TXNL1: variants seen among roughly 807,000 people sequenced by gnomAD.
TXNL1 encodes the protein thioredoxin like 1, also known as thioredoxin-like protein 1.
A neutral mutation model predicts 35.5 loss-of-function variants in TXNL1; 14 were observed. That is an observed-to-expected ratio of 0.39 (90% CI 0.26 to 0.62). The LOEUF (loss-of-function observed/expected upper bound fraction) is 0.62. TXNL1 is among the 20% of genes least tolerant of loss of function. TXNL1 has a pLI of 0.47. For missense variants in TXNL1, 263 were observed against 349.7 expected, an observed-to-expected ratio of 0.75 and a Z score of 1.98; for synonymous variants, 110 against 115.5, an observed-to-expected ratio of 0.95 and a Z score of 0.31.
rs370605429 is a variant in TXNL1, at chr18:56,603,009, T to C, written c.*18A>G. 33 of 1,613,568 alleles carry C rather than the reference T, an allele frequency of 2.0e-5. No homozygotes were observed. The East Asian group carries it at 2.2e-4, about 11-fold the overall frequency. On this transcript the variant is annotated 3_prime_UTR_variant, in exon 8 of 8. Coordinates refer to ENST00000217515, the MANE Select transcript of TXNL1 (RefSeq NM_004786.3). ...TGTAGATCTGATTGCAATATGGTTGTCCAGTGTCTTTTGTACCTTAGTGGC... is the reference window on the plus strand; with the variant it reads ...TGTAGATCTGATTGCAATATGGTTGCCCAGTGTCTTTTGTACCTTAGTGGC...
chr18:56,609,509 C>T (rs1295701328), intron 7 of TXNL1: 1 of 151,468 alleles, frequency 6.6e-6, no homozygotes, highest in Non-Finnish European at 1.5e-5. Context: ...ATGGTGGTTA[C>T]AGAAAAAAAT....
chr18:56,604,152 G>A (rs2023852893), intron 7 of TXNL1, among the ~76,000 whole-genome samples: 1 of 152,066 alleles, frequency 6.6e-6, no homozygotes, highest in Non-Finnish European at 1.5e-5. Flanking sequence ...AAGACACCAT[G>A]TTAGAAAGCT....
rs1366370108 is a variant in TXNL1, at chr18:56,601,341, A to G, written c.*1686T>C. On this transcript the variant is annotated 3_prime_UTR_variant, in exon 8 of 8. Coordinates refer to ENST00000217515, the MANE Select transcript of TXNL1 (RefSeq NM_004786.3). ...ATAGACAATATAAATCTGATGTCCA[A>G]TCCTTTACAAATACGAAATTTGTTT... The G allele has an allele frequency of 6.6e-6, 1 of 152,228 alleles. No homozygotes were observed. The highest frequency in any genetic ancestry group is 1.5e-5 in the Non-Finnish European group (1 of 68,032). 9.4% of individuals were successfully genotyped at this position (152,228 alleles called of 1,614,324 possible).
chr18:56,606,856 G>C (rs1306140735), intron 7 of TXNL1, among the ~76,000 whole-genome samples: 1 of 152,162 alleles, frequency 6.6e-6, no homozygotes, highest in Admixed American at 6.5e-5. Context: ...AACTGCCTAT[G>C]GTGCAGTACA....
intron 7 of TXNL1, among the ~76,000 whole-genome samples, chr18:56,606,748 T>C (rs2023902153): frequency 6.6e-6 from 1 of 152,258 alleles, no homozygotes; most frequent in Non-Finnish European, 1.5e-5. Context: ...TCCCTATGTT[T>C]GTCCCTATGT....
chr18:56,616,062 G>C (rs935360136), intron 5 of TXNL1, among the ~76,000 whole-genome samples, 183 bp downstream of exon 5: 2 of 151,036 alleles, frequency 1.3e-5, no homozygotes, highest in African/African-American at 4.9e-5. Context: ...AACCCAGGAG[G>C]CAGAGATTAC....
chr18:56,614,716 A>G (rs1422433743), intron 5 of TXNL1, 120 bp from the exon 6 acceptor site: 3 of 779,340 alleles, frequency 3.8e-6, no homozygotes, highest in Non-Finnish European at 5.7e-6. Context: ...ACTTCAAATA[A>G]CTCCATTATT....
At chr18:56,613,765 C>T (rs771470257) in intron 6 of TXNL1, among the ~76,000 whole-genome samples, 48 of 152,136 alleles carry the variant, frequency 3.2e-4, no homozygotes, top group Non-Finnish European at 6.5e-4. Flanking sequence ...GAACCAAGGT[C>T]GTGCCACTGT....
At position 56,616,235 on chromosome 18, in the gene TXNL1, C is replaced by G. The variant is rs1351337289; in HGVS notation, c.562+10G>C. Reference sequence around the variant, plus strand: ...GAAGTTAGTTTAAAGAAAAGCTATCCTTTACTCACCATTATCTGGCCCTTG... The same window carrying G: ...GAAGTTAGTTTAAAGAAAAGCTATCGTTTACTCACCATTATCTGGCCCTTG... On this transcript the variant is annotated intron_variant, in intron 5 of 7. Transcript: ENST00000217515. The G allele has an allele frequency of 5.0e-6, 8 of 1,611,748 alleles. No individual in the cohort carries two copies. Among genetic ancestry groups the G allele is most frequent in the Non-Finnish European group, 6.8e-6 (8 of 1,178,594 alleles).
intron 7 of TXNL1, among the ~76,000 whole-genome samples, chr18:56,606,321 G>A (rs1180143225): frequency 2.0e-5 from 3 of 149,722 alleles, no homozygotes; most frequent in South Asian, 2.1e-4. Flanking sequence ...AGCTTGCAGT[G>A]AGCCGAGATC....
intron 3 of TXNL1, among the ~76,000 whole-genome samples, chr18:56,624,083 A>G (rs761590354): frequency 6.6e-6 from 1 of 152,208 alleles, no homozygotes; most frequent in African/African-American, 2.4e-5. Flanking sequence ...AGGAAAAATG[A>G]TTTATGATAG....
chr18:56,624,470 G>T lies in TXNL1; in HGVS notation c.196-9C>A, dbSNP rs1261394133. 2 of 1,606,720 alleles carry T rather than the reference G, an allele frequency of 1.2e-6. No homozygotes were observed. The highest frequency in any genetic ancestry group is 2.7e-5 in the African/African-American group (2 of 74,684). On this transcript the variant is annotated splice_polypyrimidine_tract_variant and intron_variant, in intron 2 of 7. Transcript: ENST00000217515. Reference sequence around the variant, plus strand: ...TTGGTGGCAGCTGTTCCCTAGAATTGGCAAGTTGGACAGTGTTATGAATTA... The same window carrying T: ...TTGGTGGCAGCTGTTCCCTAGAATTTGCAAGTTGGACAGTGTTATGAATTA...
At chr18:56,611,211 T>A in intron 6 of TXNL1, 114 bp from the exon 7 acceptor site, 1 of 734,364 alleles carries the variant, frequency 1.4e-6, no homozygotes, top group Non-Finnish European at 2.1e-6. Context: ...TTGTAAAAAT[T>A]AATCTAGGCT....
intron 3 of TXNL1, among the ~76,000 whole-genome samples, chr18:56,623,154 A>C (rs1174375851): frequency 6.6e-6 from 1 of 152,188 alleles, no homozygotes; most frequent in Non-Finnish European, 1.5e-5. Context: ...GGCTAGGTGC[A>C]GTGGCTCACG....
In TXNL1 at chr18:56,606,510, T is replaced by C. The variant is rs189957483; in HGVS notation, c.841-3454A>G. On this transcript the variant is annotated intron_variant, in intron 7 of 7. Transcript: ENST00000217515. ...TGAATCCTCCACCTTCCTAAGTTCA[T>C]GTCCAGGTCCCTACTTTTCCATTCT... 1.9e-4 allele frequency among the ~76,000 whole-genome samples: 29 copies of C among 152,340 alleles called. 1 individual carries two copies. The East Asian group carries it at 5.2e-3, about 27-fold the overall frequency.
At position 56,597,362 on chromosome 18, in the gene TXNL1, T is replaced by C. The variant is rs1038187815; in HGVS notation, c.*5665A>G. On this transcript the variant is annotated 3_prime_UTR_variant, in exon 8 of 8. Transcript: ENST00000217515. ...ATCTACATTTCTTTGCCAGAGGGTT[T>C]TGGAATAATTATCTGCTGATGCTTC... 3 of 152,232 alleles carry C rather than the reference T, an allele frequency of 2.0e-5. No individual in the cohort carries two copies. Among genetic ancestry groups the C allele is most frequent in the African/African-American group, 7.2e-5 (3 of 41,466 alleles). 9.4% of individuals were successfully genotyped at this position (152,232 alleles called of 1,614,324 possible). A position where few individuals can be genotyped will look rare whatever the true frequency, so the allele number is the denominator to read the frequency against.
chr18:56,611,283 T>C (rs1460665904), intron 6 of TXNL1, among the ~76,000 whole-genome samples, 186 bp from the exon 7 acceptor site: 1 of 152,028 alleles, frequency 6.6e-6, no homozygotes, highest in Non-Finnish European at 1.5e-5. Flanking sequence ...GCAGATCACC[T>C]GAGGTCAGGA....
chr18:56,611,618 T>A (rs914785424), intron 6 of TXNL1, among the ~76,000 whole-genome samples: 23 of 152,190 alleles, frequency 1.5e-4, no homozygotes, highest in Admixed American at 1.2e-3. Flanking sequence ...TCCAGAGATG[T>A]CATGGCAAGA....
intron 5 of TXNL1, 114 bp downstream of exon 5, chr18:56,616,131 C>T: frequency 1.5e-6 from 1 of 688,652 alleles, no homozygotes; most frequent in Admixed American, 3.9e-5. Context: ...GACTCTGTCT[C>T]AAAAAAAAAA....
Sources: gnomAD v4.1 joint callset for allele counts (sites outside exome capture counted in the v4.1 genomes callset) on GRCh38, gnomAD v4.1.1 for gene constraint, MANE v1.5 for transcripts, NCBI Gene and HGNC (gene_info 2026-07-23, HGNC 2026-07-21) for gene names.